ITGB5: variants seen among roughly 807,000 people sequenced by gnomAD.
The protein encoded by ITGB5 is integrin subunit beta 5, also known as integrin beta-5.
A neutral mutation model predicts 84.8 loss-of-function variants in ITGB5; 38 were observed. That is an observed-to-expected ratio of 0.45 (90% confidence interval 0.35 to 0.59). ITGB5 has a LOEUF of 0.59. Among genes scored for constraint, ITGB5 ranks in the 20% least tolerant of loss-of-function variants. ITGB5 has a pLI of 0.01. For missense variants in ITGB5, 905 were observed against 1,034.5 expected (o/e 0.87, Z 1.72); for synonymous variants, 393 against 414.4 (o/e 0.95, Z 0.63).
chr3:124,772,210 C>G (rs2063856536), intron 11 of ITGB5, among the ~76,000 whole-genome samples: 1 of 152,182 alleles, frequency 6.6e-6, no homozygotes, highest in Non-Finnish European at 1.5e-5. Context: ...TCTGTTTTTT[C>G]TCTGCTCTTA....
chr3:124,784,545 T>C (rs1420899758), intron 10 of ITGB5, among the ~76,000 whole-genome samples: 1 of 152,190 alleles, frequency 6.6e-6, no homozygotes, highest in Non-Finnish European at 1.5e-5. Context: ...CCAGCTGCCA[T>C]GTCACAGGGA....
rs373668123 is a variant in ITGB5, at chr3:124,763,610, G to C, written c.*13C>G. ...CATCAGATCCCCGCTCCAGCCCCTC[G>C]GAGAAGGAAACATCAGTCCACAGTG... On this transcript the variant is annotated 3_prime_UTR_variant, in exon 15 of 15. Coordinates refer to ENST00000296181, the MANE Select transcript of ITGB5 (RefSeq NM_002213.5). 1.6e-4 allele frequency: 246 copies of C among 1,530,118 alleles called. 1 individual carries two copies. The South Asian group carries it at 2.6e-3, about 16-fold the overall frequency. 94.8% of individuals were successfully genotyped at this position (1,530,118 alleles called of 1,614,324 possible).
At chr3:124,877,483 G>A (rs1011125870) in intron 1 of ITGB5, among the ~76,000 whole-genome samples, 1 of 152,168 alleles carries the variant, frequency 6.6e-6, no homozygotes, top group African/African-American at 2.4e-5. Context: ...ACTCAGGCTC[G>A]TTGTGGCATA....
intron 10 of ITGB5, among the ~76,000 whole-genome samples, chr3:124,776,273 T>G (rs376705805): frequency 1.2e-4 from 18 of 152,298 alleles, no homozygotes; most frequent in African/African-American, 4.3e-4. Flanking sequence ...GCACCACTTT[T>G]GAGCCTTGGC....
intron 9 of ITGB5, among the ~76,000 whole-genome samples, chr3:124,802,679 A>G (rs1475268289): frequency 5.9e-5 from 9 of 152,306 alleles, no homozygotes; most frequent in African/African-American, 1.9e-4. Flanking sequence ...TTGCACTGGG[A>G]CCTACAAATG....
intron 5 of ITGB5, among the ~76,000 whole-genome samples, chr3:124,841,119 AG>A (rs1238757229): frequency 1.3e-5 from 2 of 152,262 alleles, no homozygotes; most frequent in Admixed American, 1.3e-4. Context: ...AAATGCAGAC[AG>A]CTGTCTTCTA....
At position 124,818,590 on chromosome 3, in the gene ITGB5, G is replaced by A. The variant is rs759170015; in HGVS notation, c.1039-880C>T. ...GTGCAATTGTGCAATCTTGGTTCACGGCAACCTCTGCCCCCTGGGTTCAAG... is the reference window on the plus strand; with the variant it reads ...GTGCAATTGTGCAATCTTGGTTCACAGCAACCTCTGCCCCCTGGGTTCAAG... On this transcript the variant is annotated intron_variant, in intron 7 of 14. Transcript: ENST00000296181. Among the ~76,000 whole-genome samples, 126 of 133,930 alleles carry A rather than the reference G, an allele frequency of 9.4e-4. 1 individual carries two copies. In the Middle Eastern group the frequency reaches 0.016, roughly 17 times the overall value. 87.9% of individuals were successfully genotyped at this position (133,930 alleles called of 152,430 possible).
At chr3:124,871,932 CG>C (rs1559980781) in intron 2 of ITGB5, among the ~76,000 whole-genome samples, 1 of 151,464 alleles carries the variant, frequency 6.6e-6, no homozygotes, top group African/African-American at 2.4e-5. Flanking sequence ...GGAGAAACAC[CG>C]GGAAGATCAG....
At position 124,773,903 on chromosome 3, in the gene ITGB5, T is replaced by A; in HGVS notation, c.1703A>T (p.Glu568Val). ...GCACTTGCATTCCCCGCAGTGACAC[T>A]CGCCATGGCCTAAAAGGATACATGT... ...NKGVLCSGHG[E>V]CHCGECKCHA... Residue 568 changes from glutamate to valine, a missense_variant, in exon 11 of 15, where the codon GAG becomes GTG. By Grantham distance (121) the Glu-to-Val change is moderately radical (BLOSUM62 -2). Around this residue, in one of 3 missense-constraint regions of ITGB5, gnomAD observed 656 missense variants for 734.7 expected, o/e 0.89. Transcript: ENST00000296181. The A allele has an allele frequency of 6.2e-7, 1 of 1,614,114 alleles. No homozygotes were observed.
At position 124,764,464 on chromosome 3, in the gene ITGB5, A is replaced by G. The variant is rs202107457; in HGVS notation, c.2231T>C (p.Leu744Pro). The change falls in exon 14 of 15, where the codon CTG becomes CCG. Residue 744 changes from leucine to proline, a missense_variant. By Grantham distance (98) the Leu-to-Pro change is moderately conservative (BLOSUM62 -3). This residue lies in a region of ITGB5 where 133 missense variants were observed against 122.8 expected (regional missense o/e 1.08). Coordinates refer to ENST00000296181, the MANE Select transcript of ITGB5 (RefSeq NM_002213.5). The part of the protein sequence containing the change: ...VGLALLAIWK[L>P]LVTIHDRREF... ...CCTCCGGTCGTGGATGGTGACAAGC[A>G]GCTTCCAGATAGCCAGGAGTGCAAG... 16 of 1,614,148 alleles carry G rather than the reference A, an allele frequency of 9.9e-6. No homozygotes were observed. The highest frequency in any genetic ancestry group is 1.4e-5 in the Non-Finnish European group (16 of 1,180,030).
At chr3:124,900,064 T>C (rs997215495) in intron 1 of ITGB5, among the ~76,000 whole-genome samples, 7 of 152,108 alleles carry the variant, frequency 4.6e-5, no homozygotes, top group Non-Finnish European at 8.8e-5. Flanking sequence ...CACCACTCTA[T>C]TTGCATCTGG....
In ITGB5 at chr3:124,883,501, G is replaced by A. The variant is rs1391951963; in HGVS notation, c.70+3430C>T. ...CTGTTTGTATTTCATTGTCCTGTCA[G>A]CTCTAAACCTGTGCCTGGTTACCTA... is the stretch of plus-strand genomic sequence containing the variant. On this transcript the variant is annotated intron_variant, in intron 1 of 14. Coordinates refer to ENST00000296181, the MANE Select transcript of ITGB5 (RefSeq NM_002213.5). 2.6e-5 allele frequency among the ~76,000 whole-genome samples: 4 copies of A among 152,164 alleles called. No homozygotes were observed. The East Asian group carries it at 5.8e-4, about 22-fold the overall frequency.
At chr3:124,808,060 G>C (rs1053601099) in intron 9 of ITGB5, among the ~76,000 whole-genome samples, 1 of 149,562 alleles carries the variant, frequency 6.7e-6, no homozygotes, top group African/African-American at 2.4e-5. Context: ...GTGGAATATG[G>C]AGAAACCCGA....
chr3:124,790,745 G>A (rs1475184593), intron 10 of ITGB5, among the ~76,000 whole-genome samples: 7 of 151,866 alleles, frequency 4.6e-5, no homozygotes, highest in Non-Finnish European at 1.0e-4. Flanking sequence ...AACGGAGGAT[G>A]CCCCTTGACT....
chr3:124,873,420 C>T (rs1166518364), intron 2 of ITGB5, 26 bp downstream of exon 2: 2 of 1,531,684 alleles, frequency 1.3e-6, no homozygotes, highest in South Asian at 2.2e-5. Flanking sequence ...TCCTTCCCTT[C>T]TTCCTCCCCT....
intron 10 of ITGB5, among the ~76,000 whole-genome samples, chr3:124,794,881 G>C (rs959171608): frequency 6.6e-6 from 1 of 152,112 alleles, no homozygotes; most frequent in African/African-American, 2.4e-5. Flanking sequence ...AATAAAAAAA[G>C]GTGAATGTAT....
At chr3:124,765,473 C>A (rs1333446969) in intron 13 of ITGB5, among the ~76,000 whole-genome samples, 1 of 152,210 alleles carries the variant, frequency 6.6e-6, no homozygotes, top group African/African-American at 2.4e-5. Context: ...TTGAGTGATA[C>A]CCTGCCCAGC....
At position 124,814,602 on chromosome 3, in the gene ITGB5, A is replaced by G. The variant is rs560318660; in HGVS notation, c.1128+3019T>C. On this transcript the variant is annotated intron_variant, in intron 8 of 14. Transcript: ENST00000296181. ...GGCGATCCTCCTGCCCCAGCCTCCC[A>G]AGTAGCATGCCCAGCTAATTTTCAC... 2.6e-5 allele frequency among the ~76,000 whole-genome samples: 4 copies of G among 151,990 alleles called. No individual in the cohort carries two copies. In the East Asian group the frequency reaches 7.7e-4, roughly 29 times the overall value.
At chr3:124,848,191 C>T (rs2107603172) in intron 4 of ITGB5, 118 bp downstream of exon 4, 1 of 1,203,056 alleles carries the variant, frequency 8.3e-7, no homozygotes, top group Non-Finnish European at 1.2e-6. Context: ...AATTAAACGC[C>T]TAAGCCTGGC....
Sources: gnomAD v4.1 joint callset for allele counts (sites outside exome capture counted in the v4.1 genomes callset) on GRCh38, gnomAD v4.1.1 for gene constraint, gnomAD v4.1.1 regional missense constraint, MANE v1.5 for transcripts, NCBI Gene and HGNC (gene_info 2026-07-23, HGNC 2026-07-21) for gene names.